The following HDAC4 variants were observed in gnomAD, a reference collection of about 807,000 sequenced individuals.
HDAC4 encodes histone deacetylase 4, also known as histone deacetylase A.
HDAC4 carries 16 observed loss-of-function variants against 135.1 expected under a neutral mutation model. That is an observed-to-expected ratio of 0.12 (90% CI 0.08 to 0.18). The LOEUF (loss-of-function observed/expected upper bound fraction) is 0.18. Ranked by LOEUF, HDAC4 falls within the 10% of genes least tolerant of loss-of-function variation. The pLI is 1.00. For missense variants in HDAC4, 1,143 were observed against 1,511.8 expected (o/e 0.76, Z 4.05); for synonymous variants, 685 against 653.4 (o/e 1.05, Z -0.74).
chr2:239,182,324 C>A (rs1372672156), intron 4 of HDAC4, among the ~76,000 whole-genome samples: 2 of 152,232 alleles, frequency 1.3e-5, no homozygotes, highest in Admixed American at 6.5e-5. Context: ...CCTCCCGCTG[C>A]TCAGAGCTCA....
At chr2:239,087,508 G>T in intron 19 of HDAC4, 51 bp downstream of exon 19, 3 of 1,572,628 alleles carry the variant, frequency 1.9e-6, no homozygotes, top group Non-Finnish European at 2.6e-6. Context: ...CCTAAGGGAG[G>T]GAAGGAAGAC....
chr2:239,093,626 C>G (rs1006174762), intron 17 of HDAC4, among the ~76,000 whole-genome samples: 1 of 152,230 alleles, frequency 6.6e-6, no homozygotes, highest in Non-Finnish European at 1.5e-5. Flanking sequence ...GCTACCCTCT[C>G]TGCCCGCGTC....
At chr2:239,178,265 T>C (rs2043901128) in intron 4 of HDAC4, among the ~76,000 whole-genome samples, 1 of 152,226 alleles carries the variant, frequency 6.6e-6, no homozygotes, top group Admixed American at 6.5e-5. Context: ...AGTTGTCTCT[T>C]GTCCCAGTGT....
At chr2:239,326,425 G>A (rs2053472155) in intron 2 of HDAC4, among the ~76,000 whole-genome samples, 1 of 152,174 alleles carries the variant, frequency 6.6e-6, no homozygotes, top group South Asian at 2.1e-4. Context: ...AAACGTTCTG[G>A]GAATGGATGG....
At chr2:239,172,297 T>A (rs2411427) in intron 5 of HDAC4, among the ~76,000 whole-genome samples, 23,268 of 104,710 alleles carry the variant, frequency 0.22, 2,085 homozygotes, top group East Asian at 0.28. Context: ...AAAAAAAATA[T>A]ATATATATAT....
At chr2:239,328,758 G>T (rs1416221270) in intron 2 of HDAC4, among the ~76,000 whole-genome samples, 1 of 152,168 alleles carries the variant, frequency 6.6e-6, no homozygotes, top group East Asian at 1.9e-4. Context: ...CCTCTCGGGC[G>T]CCCGCTGGCC....
intron 2 of HDAC4, among the ~76,000 whole-genome samples, chr2:239,335,999 C>T (rs1377770583): frequency 6.6e-6 from 1 of 152,052 alleles, no homozygotes; most frequent in East Asian, 1.9e-4. Context: ...GCAATTGAAC[C>T]AATAAATAAT....
chr2:239,355,304 T>C (rs867941907), intron 1 of HDAC4, among the ~76,000 whole-genome samples: 3 of 152,226 alleles, frequency 2.0e-5, no homozygotes, highest in Non-Finnish European at 4.4e-5. Flanking sequence ...AGTCTCCCCA[T>C]CAGATCTGGC....
intron 22 of HDAC4, among the ~76,000 whole-genome samples, chr2:239,078,569 GATGCT>G (rs1184010865): frequency 1.3e-5 from 2 of 152,030 alleles, no homozygotes; most frequent in African/African-American, 4.8e-5. Context: ...CCTTTTCAAA[GATGCT>G]ATTTAAGCTT....
chr2:239,144,392 G>C (rs1005811741), intron 8 of HDAC4, among the ~76,000 whole-genome samples, 191 bp downstream of exon 8: 5 of 152,158 alleles, frequency 3.3e-5, no homozygotes, highest in African/African-American at 9.7e-5. Flanking sequence ...GCCCGGCTTA[G>C]ACATGCCGGA....
chr2:239,367,827 A>G (rs1484682548), intron 1 of HDAC4, among the ~76,000 whole-genome samples: 2 of 152,030 alleles, frequency 1.3e-5, no homozygotes, highest in African/African-American at 4.8e-5. Context: ...TACAAAAACT[A>G]GCCAGTCATA....
rs991818051 is a variant in HDAC4, at chr2:239,066,955, G to A, written c.2870-100C>T. ...TGGCATCGTAAGAAGACTGGGGGCT[G>A]GGGTGTCGAGACACATGGCCAGGCC... On this transcript the variant is annotated intron_variant, in intron 23 of 26. Coordinates refer to ENST00000543185, the MANE Select transcript of HDAC4 (RefSeq NM_001378414.1). 8 of 1,449,224 alleles carry A rather than the reference G, an allele frequency of 5.5e-6. No individual in the cohort carries two copies. In the African/African-American group the frequency reaches 9.9e-5, roughly 18 times the overall value. The allele number at this position is 1,449,224 out of a possible 1,614,324, so 89.8% of individuals were successfully genotyped here. A position where few individuals can be genotyped will look rare whatever the true frequency, so the allele number is the denominator to read the frequency against.
chr2:239,144,664 C>T lies in HDAC4; in HGVS notation c.784G>A (p.Glu262Lys), dbSNP rs753641631. 3.1e-6 allele frequency: 5 copies of T among 1,614,078 alleles called. No individual in the cohort carries two copies. The highest frequency in any genetic ancestry group is 1.7e-5 in the Admixed American group (1 of 60,012). The change falls in exon 8 of 27, where the codon GAA becomes AAA. Residue 262 changes from glutamate (E) to lysine (K), a missense_variant. Physicochemically the swap from Glu to Lys is moderately conservative, Grantham distance 56. Around this residue, in one of 9 missense-constraint regions of HDAC4, gnomAD observed 5 missense variants for 29.8 expected, o/e 0.17. Coordinates refer to ENST00000543185, the MANE Select transcript of HDAC4 (RefSeq NM_001378414.1). ...LRSRLKQKVA[E>K]RRSSPLLRRK... is the part of the protein sequence containing the mutation. ...CGTAACAGGGGGCTGCTCCGTCTTT[C>T]GGCCACTTTCTGCTTTAGCCTGGAC...
At chr2:239,081,609 C>T (rs549334240) in intron 21 of HDAC4, among the ~76,000 whole-genome samples, 3 of 152,348 alleles carry the variant, frequency 2.0e-5, no homozygotes, top group South Asian at 2.1e-4. Flanking sequence ...GCAGACGGAG[C>T]GTCTTCCTGG....
rs1230249783 is a variant in HDAC4, at chr2:239,303,573, A to G, written c.22+49105T>C. Among the ~76,000 whole-genome samples, 1 of 150,440 alleles carries G rather than the reference A, an allele frequency of 6.6e-6. No homozygotes were observed. Among genetic ancestry groups the G allele is most frequent in the Non-Finnish European group, 1.5e-5 (1 of 67,758 alleles). ...ATCCTCTCATCAATGTTACGTTGTC[A>G]GCTTTCTCTGTTTTCTTTCTTTCTT... On this transcript the variant is annotated intron_variant, in intron 2 of 26. Transcript: ENST00000543185. This position sits in a 1 kb window ranked among gnomAD's most constrained non-coding sequence, Gnocchi z 5.1.
chr2:239,254,244 G>A (rs917362642), intron 2 of HDAC4, among the ~76,000 whole-genome samples: 6 of 152,116 alleles, frequency 3.9e-5, no homozygotes, highest in Admixed American at 1.3e-4. Context: ...AAGGATGAGA[G>A]GAAGGGAGGG....
intron 1 of HDAC4, among the ~76,000 whole-genome samples, chr2:239,382,659 G>T (rs2126063917): frequency 6.6e-6 from 1 of 152,314 alleles, no homozygotes; most frequent in South Asian, 2.1e-4. Flanking sequence ...GGTCCTGTGG[G>T]TGGGGCCAGG....
intron 4 of HDAC4, among the ~76,000 whole-genome samples, chr2:239,177,495 G>T (rs1051426032): frequency 6.6e-6 from 1 of 152,210 alleles, no homozygotes; most frequent in Non-Finnish European, 1.5e-5. Context: ...GGTAGGGTTG[G>T]GGGTGCCGAG....
At chr2:239,275,835 C>T (rs1037200164) in intron 2 of HDAC4, among the ~76,000 whole-genome samples, 1 of 152,132 alleles carries the variant, frequency 6.6e-6, no homozygotes. Context: ...CAGGGGAGCC[C>T]CAGATAGCTC....
Sources: gnomAD v4.1 joint callset for allele counts (sites outside exome capture counted in the v4.1 genomes callset) on GRCh38, gnomAD v4.1.1 for gene constraint, gnomAD v4.1.1 regional missense constraint, Gnocchi (gnomAD v3.1) non-coding constraint, MANE v1.5 for transcripts, NCBI Gene and HGNC (gene_info 2026-07-23, HGNC 2026-07-21) for gene names.